Variants in TBC1D32 observed in about 807,000 individuals in gnomAD.
The protein encoded by TBC1D32 is TBC1 domain family member 32.
TBC1D32 carries 151 observed loss-of-function variants against 170.3 expected under a neutral mutation model. The observed-to-expected ratio is 0.89, with a 90% CI of 0.78 to 1.01. The LOEUF is 1.01. Among genes scored for constraint, TBC1D32 ranks in the 50% least tolerant of loss-of-function variants. The pLI is 0.00. For synonymous variants in TBC1D32, 498 were observed against 488.0 expected, an observed-to-expected ratio of 1.02 and a Z score of -0.27; for missense variants, 1,464 against 1,457.1, an observed-to-expected ratio of 1.00 and a Z score of -0.08.
At chr6:121,289,543 G>A (rs1029459184) in intron 12 of TBC1D32, among the ~76,000 whole-genome samples, 6 of 152,160 alleles carry the variant, frequency 3.9e-5, no homozygotes, top group Non-Finnish European at 7.3e-5. Flanking sequence ...TGGGTAGGAA[G>A]AATCAATATC....
At chr6:121,214,857 G>A (rs1239121196) in intron 21 of TBC1D32, among the ~76,000 whole-genome samples, 8 of 152,326 alleles carry the variant, frequency 5.3e-5, no homozygotes, top group East Asian at 1.9e-4. Context: ...AATGAGGTAT[G>A]TAGACAACTG....
intron 9 of TBC1D32, among the ~76,000 whole-genome samples, chr6:121,301,652 G>A (rs1476942831): frequency 1.3e-5 from 2 of 152,120 alleles, no homozygotes; most frequent in African/African-American, 4.8e-5. Context: ...AAACCTGCAC[G>A]TTCTGCACAT....
chr6:121,240,002 G>A (rs985066215), intron 19 of TBC1D32, among the ~76,000 whole-genome samples: 1 of 152,086 alleles, frequency 6.6e-6, no homozygotes, highest in African/African-American at 2.4e-5. Context: ...CAAAAATCCT[G>A]TGACTTCTTG....
chr6:121,160,067 A>G lies in TBC1D32; in HGVS notation c.2716T>C (p.Tyr906His), dbSNP rs1439848910. ...GACAGATAGCAGTTTGGCAATGGATATGATGAAAACATTGGCCAAGGATAT... is the reference window on the plus strand; with the variant it reads ...GACAGATAGCAGTTTGGCAATGGATGTGATGAAAACATTGGCCAAGGATAT... ...NPYPWPMFSS[Y>H]PLPNCYLSDI... Residue 906 changes from tyrosine (Y) to histidine (H), a missense_variant, in exon 24 of 32, where the codon TAT becomes CAT. Physicochemically the swap from Tyr to His is moderately conservative, Grantham distance 83. Coordinates refer to ENST00000398212, the MANE Select transcript of TBC1D32 (RefSeq NM_152730.6). The G allele has an allele frequency of 1.9e-6, 3 of 1,608,482 alleles. No homozygotes were observed. Among genetic ancestry groups the G allele is most frequent in the Non-Finnish European group, 2.6e-6 (3 of 1,176,056 alleles).
At chr6:121,120,709 C>T (rs549232313) in intron 26 of TBC1D32, among the ~76,000 whole-genome samples, 1 of 152,034 alleles carries the variant, frequency 6.6e-6, no homozygotes, top group African/African-American at 2.4e-5. Flanking sequence ...ATGATTATGT[C>T]TAGTTCAGAG....
chr6:121,131,897 T>C (rs1781480570), intron 24 of TBC1D32, 145 bp from the exon 25 acceptor site: 3 of 537,958 alleles, frequency 5.6e-6, no homozygotes, highest in Non-Finnish European at 6.2e-6. Flanking sequence ...TGTAATTACA[T>C]CTTATACCAT....
intron 20 of TBC1D32, among the ~76,000 whole-genome samples, chr6:121,227,806 G>A (rs2128336537): frequency 6.6e-6 from 1 of 152,110 alleles, no homozygotes; most frequent in Non-Finnish European, 1.5e-5. Flanking sequence ...TCAGTGTTAT[G>A]CTGGCCTCAT....
intron 24 of TBC1D32, among the ~76,000 whole-genome samples, chr6:121,156,319 C>G (rs948815333): frequency 1.3e-5 from 2 of 151,646 alleles, no homozygotes; most frequent in Non-Finnish European, 2.9e-5. Context: ...ATAATAGTCT[C>G]TTTGTATTTT....
intron 19 of TBC1D32, among the ~76,000 whole-genome samples, chr6:121,240,877 C>CAAAAAAAAAA (rs35249678): frequency 1.2e-5 from 1 of 84,212 alleles, no homozygotes. Flanking sequence ...TTCTGTCTCA[C>CAAAAAAAAAA]AAAAAAAAAA....
In TBC1D32 at chr6:121,197,121, G is replaced by T. The variant is rs966279698; in HGVS notation, c.2570+7954C>A. The stretch of plus-strand genomic sequence containing the variant: ...GAAGGGAGTTACAGTGTTCACTGGG[G>T]TGACTGACCCAGACTATCAAGACGA... On this transcript the variant is annotated intron_variant, in intron 22 of 31. Transcript: ENST00000398212. Among the ~76,000 whole-genome samples the T allele has an allele frequency of 8.5e-5, 13 of 152,286 alleles. No homozygotes were observed. The South Asian group carries it at 1.5e-3, about 17-fold the overall frequency.
At chr6:121,126,292 C>A in intron 26 of TBC1D32, 86 bp downstream of exon 26, 1 of 961,670 alleles carries the variant, frequency 1.0e-6, no homozygotes. Context: ...GAGAAAACTG[C>A]CTATCTGTAA....
chr6:121,208,266 T>C (rs1401830315), intron 21 of TBC1D32, among the ~76,000 whole-genome samples: 1 of 151,944 alleles, frequency 6.6e-6, no homozygotes, highest in Non-Finnish European at 1.5e-5. Flanking sequence ...GGTAATTTAT[T>C]TAAAAAAAAA....
At chr6:121,156,938 T>C (rs1465955485) in intron 24 of TBC1D32, among the ~76,000 whole-genome samples, 8 of 152,164 alleles carry the variant, frequency 5.3e-5, no homozygotes, top group Non-Finnish European at 1.2e-4. Flanking sequence ...ATATGGTCAA[T>C]CACAGAATAT....
At chr6:121,314,733 A>G (rs1210837526) in intron 3 of TBC1D32, among the ~76,000 whole-genome samples, 2 of 152,310 alleles carry the variant, frequency 1.3e-5, no homozygotes, top group African/African-American at 4.8e-5. Flanking sequence ...AGCTTAATGT[A>G]TATCAGAGGT....
rs1365059128 is a variant in TBC1D32 at position 121,080,802 on chromosome 6, T to A, written c.3743A>T (p.Asp1248Val). ...EQNYRTVLLR[D>V]MRNIRLQST The stretch of plus-strand genomic sequence containing the variant: ...GCTCTGCAGTCTAATGTTCCGCATG[T>A]CTCTCAGCAGCACTGTTCGGTAGTT... Residue 1248 changes from aspartate to valine, a missense_variant, in exon 32 of 32, where the codon GAC becomes GTC. Transcript: ENST00000398212. 14 of 1,613,696 alleles carry A rather than the reference T, an allele frequency of 8.7e-6. No individual in the cohort carries two copies. The East Asian group carries it at 3.1e-4, about 36-fold the overall frequency.
At chr6:121,159,588 A>G (rs978911727) in intron 24 of TBC1D32, among the ~76,000 whole-genome samples, 1 of 152,312 alleles carries the variant, frequency 6.6e-6, no homozygotes. Context: ...GTGATCTTAC[A>G]CAAACCTAGA....
Position 121,304,413 on chromosome 6 carries a change from T to A in TBC1D32, c.887A>T (p.Asn296Ile). 1 of 1,613,466 alleles carries A rather than the reference T, an allele frequency of 6.2e-7. No individual in the cohort carries two copies. The highest frequency in any genetic ancestry group is 1.1e-5 in the South Asian group (1 of 91,020). ...TRLLKKVRLL[N>I]EYQKEAPSFW... ...AGATGGAGCTTCTTTCTGATATTCA[T>A]TTAGAAGACGAACCTACAAAGCAGT... The change falls in exon 8 of 32, where the codon AAT becomes ATT. Residue 296 changes from asparagine (N) to isoleucine (I), a missense_variant. This residue lies in a region of TBC1D32 where 1,363 missense variants were observed against 1,338.1 expected (regional missense o/e 1.02). Transcript: ENST00000398212.
chr6:121,234,257 T>A (rs1362686951), intron 20 of TBC1D32, among the ~76,000 whole-genome samples: 1 of 152,174 alleles, frequency 6.6e-6, no homozygotes, highest in African/African-American at 2.4e-5. Flanking sequence ...GATGTCTAGA[T>A]CCTTAGCAAG....
At chr6:121,317,792 A>C in intron 2 of TBC1D32, 120 bp from the exon 3 acceptor site, 1 of 651,038 alleles carries the variant, frequency 1.5e-6, no homozygotes, top group South Asian at 3.2e-5. Flanking sequence ...CACAATGCTA[A>C]GGAGAAAAAT....
Sources: gnomAD v4.1 joint callset for allele counts (sites outside exome capture counted in the v4.1 genomes callset) on GRCh38, gnomAD v4.1.1 for gene constraint, gnomAD v4.1.1 regional missense constraint, MANE v1.5 for transcripts, NCBI Gene and HGNC (gene_info 2026-07-23, HGNC 2026-07-21) for gene names.